The following CNTNAP5 variants were observed in gnomAD, a reference collection of about 807,000 sequenced individuals.
The protein encoded by CNTNAP5 is contactin associated protein family member 5.
Under a neutral mutation model 150.2 loss-of-function variants are expected in CNTNAP5, and 72 were observed. The ratio of observed to expected loss-of-function variants is 0.48; its 90% confidence interval spans 0.40 to 0.58. The LOEUF (loss-of-function observed/expected upper bound fraction) is 0.58, where lower values mean the gene tolerates loss of function less well. CNTNAP5 is among the 20% of genes least tolerant of loss of function. CNTNAP5 has a pLI of 0.00. For synonymous variants in CNTNAP5, 672 were observed against 619.8 expected, an observed-to-expected ratio of 1.08 and a Z score of -1.25; for missense variants, 1,636 against 1,626.2, an observed-to-expected ratio of 1.01 and a Z score of -0.10.
chr2:124,398,511 T>TA, intron 3 of CNTNAP5, among the ~76,000 whole-genome samples: 1 of 152,072 alleles, frequency 6.6e-6, no homozygotes, highest in Admixed American at 6.6e-5. Flanking sequence ...TTTATTTATT[T>TA]TTGAGATGAA....
chr2:124,799,148 G>A (rs544704486), intron 19 of CNTNAP5, among the ~76,000 whole-genome samples: 1 of 152,076 alleles, frequency 6.6e-6, no homozygotes, highest in Non-Finnish European at 1.5e-5. Flanking sequence ...GTATCTAATA[G>A]GTTCTAGTGC....
At chr2:124,798,800 A>G (rs1032462988) in intron 19 of CNTNAP5, among the ~76,000 whole-genome samples, 1 of 152,146 alleles carries the variant, frequency 6.6e-6, no homozygotes, top group Admixed American at 6.5e-5. Flanking sequence ...CTTGGGGAAT[A>G]GGTGGCTTGC....
intron 11 of CNTNAP5, among the ~76,000 whole-genome samples, chr2:124,577,145 C>T (rs1322698815): frequency 1.3e-5 from 2 of 152,106 alleles, no homozygotes; most frequent in African/African-American, 4.8e-5. Context: ...TTTTGGCTCT[C>T]AATGATCCTA....
intron 6 of CNTNAP5, among the ~76,000 whole-genome samples, chr2:124,471,979 C>T (rs1693528630): frequency 6.6e-6 from 1 of 152,002 alleles, no homozygotes; most frequent in East Asian, 1.9e-4. Context: ...TTTACAAGTT[C>T]ATTGGTAATT....
At chr2:124,811,712 G>GGGGC (rs1553445054) in intron 19 of CNTNAP5, among the ~76,000 whole-genome samples, 1 of 150,088 alleles carries the variant, frequency 6.7e-6, no homozygotes, top group Non-Finnish European at 1.5e-5. Flanking sequence ...GAGGCGGGGG[G>GGGGC]GGTGGATCAC....
chr2:124,713,451 C>T (rs1206243096), intron 13 of CNTNAP5, among the ~76,000 whole-genome samples: 2 of 150,166 alleles, frequency 1.3e-5, no homozygotes, highest in African/African-American at 4.9e-5. Context: ...CATCTCGGCT[C>T]ACTGAAACCT....
At chr2:124,907,137 A>T (rs903911419) in intron 22 of CNTNAP5, among the ~76,000 whole-genome samples, 1 of 152,146 alleles carries the variant, frequency 6.6e-6, no homozygotes, top group African/African-American at 2.4e-5. Context: ...TACATTTTAG[A>T]TGAACTAATG....
chr2:124,052,625 T>C (rs1236549049), intron 1 of CNTNAP5, among the ~76,000 whole-genome samples: 1 of 152,244 alleles, frequency 6.6e-6, no homozygotes, highest in African/African-American at 2.4e-5. Context: ...ATAATTGGAC[T>C]TGTGTTCTGA....
intron 3 of CNTNAP5, among the ~76,000 whole-genome samples, chr2:124,310,057 C>CTG (rs112815643): frequency 4.1e-5 from 6 of 144,654 alleles, no homozygotes; most frequent in African/African-American, 1.3e-4. Flanking sequence ...AATCTCTTAC[C>CTG]TTTTTTTTTT....
chr2:124,248,170 G>A (rs1687077090), intron 3 of CNTNAP5, among the ~76,000 whole-genome samples: 1 of 152,116 alleles, frequency 6.6e-6, no homozygotes, highest in African/African-American at 2.4e-5. Context: ...TGCACCACTG[G>A]TTGCTTGCAT....
chr2:124,503,373 A>G (rs1465945045), intron 7 of CNTNAP5, among the ~76,000 whole-genome samples: 2 of 152,318 alleles, frequency 1.3e-5, no homozygotes, highest in East Asian at 3.9e-4. Context: ...CTGCGTATCT[A>G]ACTCTGCCAC....
At chr2:124,574,794 T>A (rs1374017846) in intron 11 of CNTNAP5, among the ~76,000 whole-genome samples, 1 of 152,232 alleles carries the variant, frequency 6.6e-6, no homozygotes, top group Non-Finnish European at 1.5e-5. Context: ...TCATTCCGAT[T>A]CATGCAAATA....
chr2:124,787,468 A>G (rs1400895654), intron 17 of CNTNAP5, among the ~76,000 whole-genome samples: 2 of 152,210 alleles, frequency 1.3e-5, no homozygotes, highest in African/African-American at 4.8e-5. Flanking sequence ...TGAAAATAAA[A>G]TAATTGAACA....
intron 3 of CNTNAP5, among the ~76,000 whole-genome samples, chr2:124,279,165 G>A (rs1245486486): frequency 2.0e-5 from 3 of 152,036 alleles, no homozygotes; most frequent in Admixed American, 2.0e-4. Context: ...ATCTTCAAGT[G>A]TTCTAGTTTG....
intron 19 of CNTNAP5, among the ~76,000 whole-genome samples, chr2:124,802,677 A>C (rs1681994470): frequency 6.6e-6 from 1 of 152,212 alleles, no homozygotes; most frequent in African/African-American, 2.4e-5. Context: ...ACAGAATTTT[A>C]TTTAGTGATG....
intron 3 of CNTNAP5, among the ~76,000 whole-genome samples, chr2:124,290,175 G>A (rs1160892840): frequency 6.6e-6 from 1 of 152,038 alleles, no homozygotes; most frequent in African/African-American, 2.4e-5. Context: ...ATCTGAAGAT[G>A]AACTATTCAC....
At chr2:124,449,802 G>A (rs1692920835) in intron 6 of CNTNAP5, among the ~76,000 whole-genome samples, 2 of 152,108 alleles carry the variant, frequency 1.3e-5, no homozygotes, top group Non-Finnish European at 2.9e-5. Flanking sequence ...TGTAATAGCG[G>A]CGTTTGACAT....
chr2:124,914,706 T>C lies in CNTNAP5; in HGVS notation c.*418T>C, dbSNP rs186607925. 4.4e-4 allele frequency: 69 copies of C among 155,680 alleles called. No individual in the cohort carries two copies. Among genetic ancestry groups the C allele is most frequent in the Admixed American group, 9.7e-4 (15 of 15,526 alleles). 9.6% of individuals were successfully genotyped at this position (155,680 alleles called of 1,614,324 possible). ...TTCCTGACATCCTCCCCAGCTCAAG[T>C]CTATTCTTACCATAGAACCCAGGGC... On this transcript the variant is annotated 3_prime_UTR_variant, in exon 24 of 24. Coordinates refer to ENST00000682447, the MANE Select transcript of CNTNAP5 (RefSeq NM_001367498.1).
At chr2:124,368,969 T>G (rs1243879991) in intron 3 of CNTNAP5, among the ~76,000 whole-genome samples, 1 of 152,198 alleles carries the variant, frequency 6.6e-6, no homozygotes, top group Non-Finnish European at 1.5e-5. Flanking sequence ...TTTAGCCATA[T>G]AAAATTGTGG....
Sources: gnomAD v4.1 joint callset for allele counts (sites outside exome capture counted in the v4.1 genomes callset) on GRCh38, gnomAD v4.1.1 for gene constraint, MANE v1.5 for transcripts, NCBI Gene and HGNC (gene_info 2026-07-23, HGNC 2026-07-21) for gene names.